DIPK1B: variants seen among roughly 807,000 people sequenced by gnomAD.
The protein encoded by DIPK1B is family with sequence similarity 69 member B.
In DIPK1B, 17 loss-of-function variants were observed where a neutral mutation model predicts 20.7. The observed-to-expected ratio is 0.82, with a 90% CI of 0.56 to 1.23. The LOEUF (loss-of-function observed/expected upper bound fraction) is 1.23. DIPK1B is among the 50% of genes most tolerant of loss of function. The pLI is 0.00. For missense variants in DIPK1B, 648 were observed against 601.8 expected (o/e 1.08, Z -0.80); for synonymous variants, 343 against 276.5 (o/e 1.24, Z -2.39).
At chr9:136,719,699 G>A (rs1160152026) in intron 2 of DIPK1B, among the ~76,000 whole-genome samples, 2 of 152,230 alleles carry the variant, frequency 1.3e-5, no homozygotes, top group Non-Finnish European at 2.9e-5. Context: ...TAGGTGCCCA[G>A]GACCATGGAG....
intron 2 of DIPK1B, 80 bp downstream of exon 2, chr9:136,717,791 A>G (rs1261567927): frequency 1.3e-6 from 2 of 1,583,558 alleles, no homozygotes; most frequent in African/African-American, 2.7e-5. Flanking sequence ...CCCTGGAGAC[A>G]CCTTCCTCCC....
chr9:136,721,769 GACCC>G, intron 2 of DIPK1B, 148 bp from the exon 3 acceptor site: 1 of 668,098 alleles, frequency 1.5e-6, no homozygotes, highest in Non-Finnish European at 2.5e-6. Context: ...CCAATGGCAT[GACCC>G]AGGGCCCCGG....
Position 136,712,642 on chromosome 9 carries a change from G to A in DIPK1B, c.-24G>A. On this transcript the variant is annotated 5_prime_UTR_variant, in exon 1 of 5. Coordinates refer to ENST00000371692, the MANE Select transcript of DIPK1B (RefSeq NM_152421.4). This position sits in a 1 kb window ranked among gnomAD's most constrained non-coding sequence, Gnocchi z 5.6. ...TGAGGCCGAGCGAGCCGCGGGGCCCGCGCAGCCCCGGCCGGAGCCCACCAT... is the reference window on the plus strand; with the variant it reads ...TGAGGCCGAGCGAGCCGCGGGGCCCACGCAGCCCCGGCCGGAGCCCACCAT... The A allele has an allele frequency of 8.6e-7, 1 of 1,162,028 alleles. No individual in the cohort carries two copies. Among genetic ancestry groups the A allele is most frequent in the African/African-American group, 1.6e-5 (1 of 60,842 alleles). 72.0% of individuals were successfully genotyped at this position (1,162,028 alleles called of 1,614,324 possible).
At chr9:136,715,513 C>A (rs1407631657) in intron 1 of DIPK1B, among the ~76,000 whole-genome samples, 1 of 150,488 alleles carries the variant, frequency 6.6e-6, no homozygotes, top group East Asian at 2.0e-4. Context: ...GGGCTGCCTG[C>A]TTACTTTTTT....
At position 136,723,497 on chromosome 9, in the gene DIPK1B, G is replaced by A. The variant is rs1374258717; in HGVS notation, c.1019G>A (p.Cys340Tyr). 15 of 1,607,148 alleles carry A rather than the reference G, an allele frequency of 9.3e-6. No homozygotes were observed. The highest frequency in any genetic ancestry group is 1.3e-5 in the Non-Finnish European group (15 of 1,177,080). The change falls in exon 5 of 5, where the codon TGC (cysteine) becomes TAC (tyrosine). Residue 340 changes from cysteine to tyrosine, a missense_variant. Physicochemically the swap from Cys to Tyr is radical, Grantham distance 194. Transcript: ENST00000371692. ...QGRRCEHSTDCTYGRDCRAPC... is the reference protein window; with the variant it reads ...QGRRCEHSTDYTYGRDCRAPC... ...CGCCGCTGCGAGCACAGCACCGACT[G>A]CACCTACGGGCGCGACTGCAGGGCC...
chr9:136,712,694 T>A lies in DIPK1B; in HGVS notation c.29T>A (p.Leu10Gln). The change falls in exon 1 of 5, where the codon CTG (leucine) becomes CAG (glutamine). Residue 10 changes from leucine to glutamine, a missense_variant. By Grantham distance (113) the Leu-to-Gln change is moderately radical. Transcript: ENST00000371692. The surrounding 1 kb of genome is among the most constrained non-coding windows in gnomAD (Gnocchi z 5.6). MRRLRRLAH[L>Q]VLFCPFSKRL... ...CGGCGGCTGCGGCGCCTGGCGCACC[T>A]GGTGCTCTTCTGCCCCTTCTCCAAG... 7.4e-7 allele frequency: 1 copy of A among 1,345,606 alleles called. No individual in the cohort carries two copies. The highest frequency in any genetic ancestry group is 9.5e-7 in the Non-Finnish European group (1 of 1,048,942). The allele number at this position is 1,345,606 out of a possible 1,614,324, so 83.4% of individuals were successfully genotyped here. A position where few individuals can be genotyped will look rare whatever the true frequency, so the allele number is the denominator to read the frequency against.
intron 2 of DIPK1B, among the ~76,000 whole-genome samples, chr9:136,717,975 G>A (rs555177833): frequency 1.3e-5 from 2 of 151,962 alleles, no homozygotes; most frequent in African/African-American, 2.4e-5. Flanking sequence ...TGGGGGCTGG[G>A]GGCAGAAGGC....
At position 136,722,997 on chromosome 9, in the gene DIPK1B, G is replaced by A. The variant is rs751942071; in HGVS notation, c.519G>A (p.Leu173=). The change falls in exon 5 of 5, where the codon CTG becomes CTA. Residue 173 remains leucine (L), a synonymous_variant. Transcript: ENST00000371692. The part of the protein sequence containing the change: ...NLGDLPSLPA[L]VGQVLLMADF... ...GAGACCTGCCTTCCCTGCCGGCGCT[G>A]GTTGGCCAGGTCCTGCTCATGGCTG... 16 of 1,609,776 alleles carry A rather than the reference G, an allele frequency of 9.9e-6. 1 individual carries two copies. The South Asian group carries it at 1.8e-4, about 18-fold the overall frequency.
chr9:136,714,680 A>T (rs1846472398), intron 1 of DIPK1B, among the ~76,000 whole-genome samples: 1 of 152,234 alleles, frequency 6.6e-6, no homozygotes, highest in African/African-American at 2.4e-5. Flanking sequence ...AAACAGATTC[A>T]GTGCCCAGGA....
rs1347294465 is a variant in DIPK1B at position 136,723,970 on chromosome 9, G to A, written c.*196G>A. 3.2e-6 allele frequency: 2 copies of A among 616,432 alleles called. No individual in the cohort carries two copies. The highest frequency in any genetic ancestry group is 2.0e-5 in the South Asian group (1 of 50,822). The allele number at this position is 616,432 out of a possible 1,614,324, so 38.2% of individuals were successfully genotyped here. On this transcript the variant is annotated 3_prime_UTR_variant, in exon 5 of 5. Transcript: ENST00000371692. ...AGCAAAGGCGGACATGGACATCCCG[G>A]CAGGAGAGTCCTCCAAGGGGGTTTG... is the stretch of plus-strand genomic sequence containing the variant.
intron 1 of DIPK1B, among the ~76,000 whole-genome samples, chr9:136,715,615 A>G (rs1846486068): frequency 6.6e-6 from 1 of 152,100 alleles, no homozygotes; most frequent in Middle Eastern, 3.4e-3. Context: ...CCCGGGTTCA[A>G]GCGATTCTCC....
Position 136,722,782 on chromosome 9 carries a change from G to C in DIPK1B, c.484-180G>C, listed in dbSNP as rs557485523. On this transcript the variant is annotated intron_variant, in intron 4 of 4. Transcript: ENST00000371692. ...CAGCAGCCACACAGGCCAGCAGAGT[G>C]AGCTGACACATTGCTGGCTGCGTCC... 7.6e-5 allele frequency: 49 copies of C among 641,280 alleles called. No homozygotes were observed. In the East Asian group the frequency reaches 1.3e-3, roughly 17 times the overall value. The allele number at this position is 641,280 out of a possible 1,614,324, so 39.7% of individuals were successfully genotyped here.
At position 136,723,679 on chromosome 9, in the gene DIPK1B, G is replaced by C; in HGVS notation, c.1201G>C (p.Gly401Arg). The C allele has an allele frequency of 6.5e-7, 1 of 1,544,434 alleles. No homozygotes were observed. Among genetic ancestry groups the C allele is most frequent in the Admixed American group, 1.9e-5 (1 of 51,360 alleles). ...GCTGCGCACCTGTACCACGCTGAGC[G>C]GGCTGGCCAGCCAGGTGGAGGCCCA... Reference protein sequence around the residue: ...TQLRTCTTLSGLASQVEAHHS... With the variant: ...TQLRTCTTLSRLASQVEAHHS... Residue 401 changes from glycine (G) to arginine (R), a missense_variant, in exon 5 of 5, where the codon GGG becomes CGG. By Grantham distance (125) the Gly-to-Arg change is moderately radical (BLOSUM62 -2). Transcript: ENST00000371692.
chr9:136,718,092 C>T (rs988362640), intron 2 of DIPK1B, among the ~76,000 whole-genome samples: 1 of 150,910 alleles, frequency 6.6e-6, no homozygotes, highest in Admixed American at 6.6e-5. Flanking sequence ...GGTGTCCTCA[C>T]TGGATGGGAT....
At chr9:136,713,666 G>A (rs1247484455) in intron 1 of DIPK1B, among the ~76,000 whole-genome samples, 1 of 152,208 alleles carries the variant, frequency 6.6e-6, no homozygotes, top group Non-Finnish European at 1.5e-5. Context: ...GTGCACAGTG[G>A]TCCCCTCCCC....
Position 136,723,784 on chromosome 9 carries a change from G to C in DIPK1B, c.*10G>C. The C allele has an allele frequency of 6.5e-7, 1 of 1,532,478 alleles. No individual in the cohort carries two copies. The highest frequency in any genetic ancestry group is 8.7e-7 in the Non-Finnish European group (1 of 1,145,484). The allele number at this position is 1,532,478 out of a possible 1,614,324, so 94.9% of individuals were successfully genotyped here. Reference sequence around the variant, plus strand: ...CACCAAGTACTCTTGATGGGGCAGTGAGGGGCCTGGCCACCCTTCCTGGAG... The same window carrying C: ...CACCAAGTACTCTTGATGGGGCAGTCAGGGGCCTGGCCACCCTTCCTGGAG... On this transcript the variant is annotated 3_prime_UTR_variant, in exon 5 of 5. Transcript: ENST00000371692.
chr9:136,723,165 C>T lies in DIPK1B; in HGVS notation c.687C>T (p.Tyr229=). ...TGCTGGGCTACTGTGGGGACCTCTA[C>T]CTCACCGAGGGCGTGCCGCATGGCG... ...SRLLGYCGDL[Y]LTEGVPHGAW... is the part of the protein sequence containing the mutation. Residue 229 remains tyrosine (Y), a synonymous_variant, in exon 5 of 5, where the codon TAC becomes TAT. Coordinates refer to ENST00000371692, the MANE Select transcript of DIPK1B (RefSeq NM_152421.4). The T allele has an allele frequency of 6.2e-7, 1 of 1,613,294 alleles. No individual in the cohort carries two copies.
chr9:136,713,749 AG>A (rs1846458676), intron 1 of DIPK1B, among the ~76,000 whole-genome samples: 1 of 152,222 alleles, frequency 6.6e-6, no homozygotes, highest in South Asian at 2.1e-4. Context: ...ATGGCAGCAG[AG>A]GGGTGTTGGC....
chr9:136,712,579 G>A lies in DIPK1B; in HGVS notation c.-87G>A, dbSNP rs1846439619. 2 of 546,986 alleles carry A rather than the reference G, an allele frequency of 3.7e-6. No individual in the cohort carries two copies. The highest frequency in any genetic ancestry group is 4.6e-6 in the Non-Finnish European group (2 of 432,098). The allele number at this position is 546,986 out of a possible 1,614,324, so 33.9% of individuals were successfully genotyped here. A position where few individuals can be genotyped will look rare whatever the true frequency, so the allele number is the denominator to read the frequency against. On this transcript the variant is annotated 5_prime_UTR_variant, in exon 1 of 5. Coordinates refer to ENST00000371692, the MANE Select transcript of DIPK1B (RefSeq NM_152421.4). This position sits in a 1 kb window ranked among gnomAD's most constrained non-coding sequence, Gnocchi z 5.6. ...CGGGGGCGCGCGGCCCGCATGGCGAGGGAGCGGCGGCCGCTGCGGGCCGGG... is the reference window on the plus strand; with the variant it reads ...CGGGGGCGCGCGGCCCGCATGGCGAAGGAGCGGCGGCCGCTGCGGGCCGGG...
Sources: allele counts gnomAD v4.1 joint callset (sites outside exome capture counted in the v4.1 genomes callset), GRCh38; gene constraint gnomAD v4.1.1; non-coding constraint Gnocchi (gnomAD v3.1); transcripts MANE v1.5; gene names NCBI Gene and HGNC (gene_info 2026-07-23, HGNC 2026-07-21).